The following CDKL4 variants were observed in gnomAD, a reference collection of about 807,000 sequenced individuals.
CDKL4 encodes cyclin-dependent kinase-like 4.
Under a neutral mutation model 42.0 loss-of-function variants are expected in CDKL4, and 44 were observed. That is an observed-to-expected ratio of 1.05 (90% CI 0.82 to 1.35). The LOEUF is 1.35. Ranked by LOEUF, CDKL4 falls within the 40% of genes most tolerant of loss-of-function variation. The probability of loss-of-function intolerance (pLI) is 0.00; values close to 1 mark genes in which losing one functional copy is unlikely to be tolerated. For missense variants in CDKL4, 393 were observed against 369.9 expected (o/e 1.06, Z -0.51); for synonymous variants, 120 against 121.6 (o/e 0.99, Z 0.09).
chr2:39,226,100 G>A (rs1252075278), intron 2 of CDKL4, 140 bp from the exon 3 acceptor site: 1 of 698,826 alleles, frequency 1.4e-6, no homozygotes, highest in Non-Finnish European at 2.1e-6. Context: ...AAAATTGCTT[G>A]AATCTCTCTG....
intron 5 of CDKL4, among the ~76,000 whole-genome samples, chr2:39,202,185 T>C (rs1016834086): frequency 1.3e-5 from 2 of 151,594 alleles, no homozygotes; most frequent in African/African-American, 2.4e-5. Context: ...TGAGCCGAGA[T>C]CACACCGCTG....
rs1678722174 is a variant in CDKL4, at chr2:39,226,434, A to AATTATATATATTATATATATATTATATAT, written c.169-503_169-475dup. Among the ~76,000 whole-genome samples, 20 of 101,566 alleles carry AATTATATATATTATATATATATTATATAT rather than the reference A, an allele frequency of 2.0e-4. No individual in the cohort carries two copies. In the South Asian group the frequency reaches 3.0e-3, roughly 15 times the overall value. 66.6% of individuals were successfully genotyped at this position (101,566 alleles called of 152,430 possible). On this transcript the variant is annotated intron_variant, in intron 2 of 9. Coordinates refer to ENST00000451199, the Ensembl canonical transcript of CDKL4. ...AAATTTACTTATTTATATTTATATA[A>AATTATATATATTATATATATATTATATAT]ATTATATATATTATATATATATTAT...
At chr2:39,217,148 C>G (rs922943611) in intron 3 of CDKL4, among the ~76,000 whole-genome samples, 3 of 152,200 alleles carry the variant, frequency 2.0e-5, no homozygotes, top group African/African-American at 7.2e-5. Flanking sequence ...TTTTTCAAAG[C>G]ATCTTGGAGC....
chr2:39,182,904 T>C (rs1046243900), intron 8 of CDKL4, among the ~76,000 whole-genome samples: 2 of 152,336 alleles, frequency 1.3e-5, no homozygotes, highest in African/African-American at 4.8e-5. Context: ...AAATACGCCA[T>C]CCACCTGAGC....
chr2:39,218,701 G>T (rs1678106426), intron 3 of CDKL4, among the ~76,000 whole-genome samples: 1 of 152,170 alleles, frequency 6.6e-6, no homozygotes, highest in Non-Finnish European at 1.5e-5. Flanking sequence ...CTTGAGCTGG[G>T]ACGTCCATCT....
exon 4 of CDKL4, chr2:39,213,438 G>C: frequency 6.2e-7 from 1 of 1,610,894 alleles, no homozygotes; most frequent in Non-Finnish European, 8.5e-7. Context: ...TGAAGTGTTT[G>C]CCATAATACG....
At chr2:39,193,023 G>A (rs1676280747) in intron 5 of CDKL4, among the ~76,000 whole-genome samples, 1 of 151,778 alleles carries the variant, frequency 6.6e-6, no homozygotes. Flanking sequence ...AGCTACATGG[G>A]AGGGTGAGGC....
chr2:39,244,056 G>A (rs1443884447), upstream of CDKL4, among the ~76,000 whole-genome samples: 2 of 152,198 alleles, frequency 1.3e-5, no homozygotes, highest in Non-Finnish European at 2.9e-5. Context: ...TCCGGAGCGG[G>A]TTCCCCTGGC....
At chr2:39,169,792 C>T in the CDKL4 span, among the ~76,000 whole-genome samples, 6 of 152,100 alleles carry the variant, frequency 3.9e-5, 1 homozygote, top group African/African-American at 1.2e-4. Context: ...CTAATGACCA[C>T]TCTTATTATT....
At chr2:39,231,160 T>A (rs1352207125) in intron 1 of CDKL4, among the ~76,000 whole-genome samples, 1 of 152,100 alleles carries the variant, frequency 6.6e-6, no homozygotes, top group Non-Finnish European at 1.5e-5. Context: ...TGCAGTGAGC[T>A]GAGATCGCAC....
intron 3 of CDKL4, among the ~76,000 whole-genome samples, chr2:39,220,381 T>G (rs1678231124): frequency 6.6e-6 from 1 of 151,874 alleles, no homozygotes; most frequent in Non-Finnish European, 1.5e-5. Flanking sequence ...TAAAGTCAGA[T>G]CCCAGCATGA....
At chr2:39,168,910 C>T in the CDKL4 span, among the ~76,000 whole-genome samples, 1 of 151,814 alleles carries the variant, frequency 6.6e-6, no homozygotes, top group Admixed American at 6.6e-5. Context: ...GCACATGCCA[C>T]CACGCCCAGC....
At chr2:39,178,123 T>C (rs1675247268) in intron 9 of CDKL4, among the ~76,000 whole-genome samples, 1 of 152,194 alleles carries the variant, frequency 6.6e-6, no homozygotes, top group Non-Finnish European at 1.5e-5. Context: ...AAACATTTAA[T>C]AGCAAAAGGT....
intron 8 of CDKL4, among the ~76,000 whole-genome samples, chr2:39,182,621 G>A (rs932150854): frequency 6.6e-6 from 1 of 152,110 alleles, no homozygotes; most frequent in Non-Finnish European, 1.5e-5. Context: ...AAATCAAAAT[G>A]GTAAAGTCCA....
chr2:39,232,966 A>T (rs1200813382), intron 1 of CDKL4, among the ~76,000 whole-genome samples: 3 of 142,984 alleles, frequency 2.1e-5, no homozygotes, highest in African/African-American at 7.8e-5. Flanking sequence ...AATTGCTTGA[A>T]CCCAGGAGGC....
intron 1 of CDKL4, among the ~76,000 whole-genome samples, chr2:39,237,483 A>G (rs1374231069): frequency 1.3e-5 from 2 of 152,192 alleles, no homozygotes; most frequent in Non-Finnish European, 2.9e-5. Context: ...TGCTTTCACT[A>G]TTTTTATTTA....
intron 1 of CDKL4, among the ~76,000 whole-genome samples, chr2:39,243,353 T>C (rs959572793): frequency 5.9e-5 from 9 of 152,284 alleles, no homozygotes; most frequent in African/African-American, 2.2e-4. Context: ...ATTTCAAAAG[T>C]ACACACACCT....
At chr2:39,193,791 T>C (rs1487768721) in intron 5 of CDKL4, among the ~76,000 whole-genome samples, 2 of 152,204 alleles carry the variant, frequency 1.3e-5, no homozygotes, top group Admixed American at 6.5e-5. Flanking sequence ...CAAGTGAACC[T>C]TTTGGAATAG....
At chr2:39,214,038 T>C (rs1417222203) in intron 3 of CDKL4, among the ~76,000 whole-genome samples, 1 of 152,114 alleles carries the variant, frequency 6.6e-6, no homozygotes, top group Non-Finnish European at 1.5e-5. Flanking sequence ...TTCTCCTGCC[T>C]CAGCTTCCCA....
Sources: gnomAD v4.1 joint callset for allele counts (sites outside exome capture counted in the v4.1 genomes callset) on GRCh38, gnomAD v4.1.1 for gene constraint, MANE v1.5 for transcripts, NCBI Gene and HGNC (gene_info 2026-07-23, HGNC 2026-07-21) for gene names.